The following NUP98 variants were observed in gnomAD, a reference collection of about 807,000 sequenced individuals.
The protein encoded by NUP98 is nucleoporin 98 and 96 precursor.
NUP98 carries 26 observed loss-of-function variants against 191.9 expected under a neutral mutation model. That is an observed-to-expected ratio of 0.14 (90% CI 0.10 to 0.19). The LOEUF is 0.19. NUP98 is among the 10% of genes least tolerant of loss of function. NUP98 has a pLI of 1.00. For missense variants in NUP98, 1,941 were observed against 2,178.8 expected, an observed-to-expected ratio of 0.89 and a Z score of 2.17; for synonymous variants, 808 against 778.4, an observed-to-expected ratio of 1.04 and a Z score of -0.63.
intron 15 of NUP98, 26 bp from the exon 16 acceptor site, chr11:3,723,481 T>C: frequency 6.3e-7 from 1 of 1,585,822 alleles, no homozygotes; most frequent in African/African-American, 1.3e-5. Flanking sequence ...AATAATACCT[T>C]AGCCTCTTGT....
chr11:3,687,038 T>C (rs2078154424), intron 28 of NUP98, among the ~76,000 whole-genome samples: 1 of 152,098 alleles, frequency 6.6e-6, no homozygotes, highest in Non-Finnish European at 1.5e-5. Context: ...CATGCGATCC[T>C]CTCACTTCAG....
At chr11:3,749,656 A>G (rs2080665898) in intron 11 of NUP98, among the ~76,000 whole-genome samples, 1 of 152,010 alleles carries the variant, frequency 6.6e-6, no homozygotes, top group African/African-American at 2.4e-5. Flanking sequence ...TAAATTAACA[A>G]GAATCTCAAG....
At chr11:3,771,966 CA>C in intron 6 of NUP98, 38 bp from the exon 7 acceptor site, 1 of 1,558,576 alleles carries the variant, frequency 6.4e-7, no homozygotes, top group Non-Finnish European at 8.8e-7. Context: ...TCTTAACATG[CA>C]GCTAAAAATA....
chr11:3,750,685 T>C (rs1038251096), intron 11 of NUP98, among the ~76,000 whole-genome samples: 9 of 152,106 alleles, frequency 5.9e-5, no homozygotes, highest in African/African-American at 9.7e-5. Context: ...TGGAGTGCAG[T>C]GGTACTATCG....
At chr11:3,785,444 G>T (rs1190096375) in intron 1 of NUP98, among the ~76,000 whole-genome samples, 1 of 152,140 alleles carries the variant, frequency 6.6e-6, no homozygotes, top group African/African-American at 2.4e-5. Context: ...GAAAGAACAT[G>T]TAACACTTTA....
intron 10 of NUP98, among the ~76,000 whole-genome samples, chr11:3,757,094 AAAATATAT>A (rs1199149393): frequency 6.9e-6 from 1 of 144,002 alleles, no homozygotes; most frequent in East Asian, 2.0e-4. Context: ...TCTCAAAAAA[AAAATATAT>A]ATATATATCT....
intron 18 of NUP98, among the ~76,000 whole-genome samples, chr11:3,717,461 T>C (rs1307999869): frequency 2.6e-5 from 4 of 152,214 alleles, no homozygotes. Flanking sequence ...TGCTACTATA[T>C]ATATGAAATG....
At chr11:3,714,025 A>G in intron 18 of NUP98, 30 bp from the exon 19 acceptor site, 1 of 1,607,782 alleles carries the variant, frequency 6.2e-7, no homozygotes, top group Non-Finnish European at 8.5e-7. Flanking sequence ...AAAGTAACCA[A>G]TTAAAGTAAA....
intron 10 of NUP98, chr11:3,760,185 T>A (rs1311026685): frequency 4.1e-6 from 1 of 241,654 alleles, no homozygotes; most frequent in Non-Finnish European, 8.0e-6. Flanking sequence ...TAACCAATTA[T>A]CTTCTGTATG....
At chr11:3,777,856 GT>G (rs1221551832) in intron 4 of NUP98, among the ~76,000 whole-genome samples, 2 of 151,926 alleles carry the variant, frequency 1.3e-5, no homozygotes, top group East Asian at 3.9e-4. Context: ...ATTATATACT[GT>G]TATGGCTAAA....
intron 14 of NUP98, 50 bp downstream of exon 14, chr11:3,731,341 G>A (rs751680258): frequency 5.1e-6 from 6 of 1,172,696 alleles, no homozygotes; most frequent in Non-Finnish European, 7.1e-6. Context: ...TTCATATTTA[G>A]TTTATATCAG....
chr11:3,725,335 C>G (rs996645411), intron 14 of NUP98, 116 bp from the exon 15 acceptor site: 1 of 591,182 alleles, frequency 1.7e-6, no homozygotes, highest in South Asian at 2.4e-5. Flanking sequence ...CTCTTGTACA[C>G]CTAAGAATAA....
In NUP98 at chr11:3,676,005, C is replaced by G; in HGVS notation, c.*154G>C. ...GCTACGTTCAGTATTAAGAAAAGCCCTGAACAAGTGGAGGATGCTGCTTCT... is the reference window on the plus strand; with the variant it reads ...GCTACGTTCAGTATTAAGAAAAGCCGTGAACAAGTGGAGGATGCTGCTTCT... On this transcript the variant is annotated 3_prime_UTR_variant, in exon 33 of 33. Coordinates refer to ENST00000324932, the MANE Select transcript of NUP98 (RefSeq NM_016320.5). The G allele has an allele frequency of 1.5e-6, 1 of 674,774 alleles. No individual in the cohort carries two copies. Among genetic ancestry groups the G allele is most frequent in the East Asian group, 2.7e-5 (1 of 36,816 alleles). The allele number at this position is 674,774 out of a possible 1,614,324, so 41.8% of individuals were successfully genotyped here. A position where few individuals can be genotyped will look rare whatever the true frequency, so the allele number is the denominator to read the frequency against.
intron 1 of NUP98, among the ~76,000 whole-genome samples, chr11:3,784,504 C>T (rs991352535): frequency 6.6e-6 from 1 of 150,598 alleles, no homozygotes; most frequent in African/African-American, 2.4e-5. Flanking sequence ...GATCCCAATG[C>T]TTTGGGAAGC....
intron 2 of NUP98, 25 bp from the exon 3 acceptor site, chr11:3,779,282 A>G: frequency 1.3e-6 from 2 of 1,525,664 alleles, no homozygotes; most frequent in Non-Finnish European, 9.1e-7. Context: ...TCCAGAGTAA[A>G]TTAGAATTTA....
intron 20 of NUP98, among the ~76,000 whole-genome samples, chr11:3,709,697 T>A (rs1041331134): frequency 6.6e-6 from 1 of 150,564 alleles, no homozygotes; most frequent in Non-Finnish European, 1.5e-5. Flanking sequence ...AGTCATTAAC[T>A]TAAATTCACT....
Position 3,730,177 on chromosome 11 carries a change from G to C in NUP98, c.1730+1214C>G, listed in dbSNP as rs150646812. Among the ~76,000 whole-genome samples the C allele has an allele frequency of 7.2e-3, 1,102 of 152,184 alleles. 17 individuals are homozygous for C. The highest frequency in any genetic ancestry group is 0.024 in the African/African-American group (991 of 41,530). On this transcript the variant is annotated intron_variant, in intron 14 of 32. Transcript: ENST00000324932. The stretch of plus-strand genomic sequence containing the variant: ...TTGAACCTAGGAGATGGAGGTTGCA[G>C]TGAGCCGAGATCGTGCCACTGCACT...
intron 8 of NUP98, among the ~76,000 whole-genome samples, chr11:3,767,482 C>T (rs1046682989): frequency 6.6e-6 from 1 of 151,766 alleles, no homozygotes; most frequent in Non-Finnish European, 1.5e-5. Flanking sequence ...CAGGCACCAA[C>T]CACTGTGCCT....
chr11:3,768,060 C>A (rs1263588273), intron 8 of NUP98, among the ~76,000 whole-genome samples: 1 of 152,064 alleles, frequency 6.6e-6, no homozygotes, highest in Non-Finnish European at 1.5e-5. Context: ...GATAAGTGAT[C>A]GCCTCAATAG....
Sources: allele counts gnomAD v4.1 joint callset (sites outside exome capture counted in the v4.1 genomes callset), GRCh38; gene constraint gnomAD v4.1.1; transcripts MANE v1.5; gene names NCBI Gene and HGNC (gene_info 2026-07-23, HGNC 2026-07-21).